The following CTH variants were observed in gnomAD, a reference collection of about 807,000 sequenced individuals.
CTH encodes cystathionase (cystathionine gamma-lyase).
A neutral mutation model predicts 50.6 loss-of-function variants in CTH; 41 were observed. The ratio of observed to expected loss-of-function variants is 0.81; its 90% CI spans 0.63 to 1.05. The LOEUF is 1.05. CTH is among the 50% of genes least tolerant of loss of function. The probability of loss-of-function intolerance (pLI) is 0.00; values close to 1 mark genes in which losing one functional copy is unlikely to be tolerated. For synonymous variants in CTH, 156 were observed against 168.9 expected (o/e 0.92, Z 0.59); for missense variants, 470 against 492.6 (o/e 0.95, Z 0.43).
Position 70,433,819 on chromosome 1 carries a change from T to C in CTH, c.878-9T>C, listed in dbSNP as rs373421141. On this transcript the variant is annotated splice_polypyrimidine_tract_variant and intron_variant, in intron 8 of 11. Transcript: ENST00000370938. ...CTAAAATAAGACTTATGATACCTTATGATTACAGGGCTGCCCTCTCATCCA... is the reference window on the plus strand; with the variant it reads ...CTAAAATAAGACTTATGATACCTTACGATTACAGGGCTGCCCTCTCATCCA... 32 of 1,613,602 alleles carry C rather than the reference T, an allele frequency of 2.0e-5. No homozygotes were observed. Among genetic ancestry groups the C allele is most frequent in the South Asian group, 3.3e-5 (3 of 91,086 alleles).
intron 1 of CTH, among the ~76,000 whole-genome samples, chr1:70,411,882 G>C (rs142210711): frequency 5.7e-4 from 86 of 152,196 alleles, no homozygotes; most frequent in African/African-American, 2.0e-3. Flanking sequence ...TAACTTTTTT[G>C]AGTTACCTTT....
At chr1:70,419,489 T>A (rs984020676) in intron 3 of CTH, among the ~76,000 whole-genome samples, 9 of 152,174 alleles carry the variant, frequency 5.9e-5, no homozygotes, top group Non-Finnish European at 1.0e-4. Context: ...GCACCTGTTG[T>A]TTCCTGACTT....
chr1:70,432,099 A>G lies in CTH; in HGVS notation c.741A>G (p.Pro247=), dbSNP rs780571287. 2 of 1,614,080 alleles carry G rather than the reference A, an allele frequency of 1.2e-6. No individual in the cohort carries two copies. Among genetic ancestry groups the G allele is most frequent in the South Asian group, 2.2e-5 (2 of 91,088 alleles). ...ATTTTGCAGCTCTTGGAGCAGTTCCATCTCCTATTGATTGTTACCTCTGCA... is the reference window on the plus strand; with the variant it reads ...ATTTTGCAGCTCTTGGAGCAGTTCCGTCTCCTATTGATTGTTACCTCTGCA... ...RFLQNSLGAV[P]SPIDCYLCNR... The change falls in exon 8 of 12, where the codon CCA becomes CCG. Residue 247 remains proline, a synonymous_variant. Coordinates refer to ENST00000370938, the MANE Select transcript of CTH (RefSeq NM_001902.6).
chr1:70,417,412 G>A (rs1410212638), intron 2 of CTH, among the ~76,000 whole-genome samples: 2 of 151,754 alleles, frequency 1.3e-5, no homozygotes, highest in Non-Finnish European at 2.9e-5. Context: ...AGTCTCCCTC[G>A]TAGCTGGGAT....
In CTH at chr1:70,423,504, G is replaced by A. The variant is rs1052848760; in HGVS notation, c.457-781G>A. On this transcript the variant is annotated intron_variant, in intron 4 of 11. Coordinates refer to ENST00000370938, the MANE Select transcript of CTH (RefSeq NM_001902.6). Reference sequence around the variant, plus strand: ...GAGGATCACTTGGGCCTGAAAGGTCGAAGCTGCCGTTAGCTGTGATCATGC... The same window carrying A: ...GAGGATCACTTGGGCCTGAAAGGTCAAAGCTGCCGTTAGCTGTGATCATGC... Among the ~76,000 whole-genome samples, 20 of 151,632 alleles carry A rather than the reference G, an allele frequency of 1.3e-4. No individual in the cohort carries two copies. The East Asian group carries it at 1.4e-3, about 10-fold the overall frequency.
rs530193713 is a variant in CTH at position 70,433,684 on chromosome 1, A to G, written c.878-144A>G. The G allele has an allele frequency of 2.5e-4, 330 of 1,303,254 alleles. No individual in the cohort carries two copies. In the African/African-American group the frequency reaches 4.5e-3, roughly 18 times the overall value. 80.7% of individuals were successfully genotyped at this position (1,303,254 alleles called of 1,614,324 possible). A position where few individuals can be genotyped will look rare whatever the true frequency, so the allele number is the denominator to read the frequency against. Reference sequence around the variant, plus strand: ...CATGAAGCTGGAGAGATAGGGGCCCAAGCAAGTAGTCAGATGTGAGCATGG... The same window carrying G: ...CATGAAGCTGGAGAGATAGGGGCCCGAGCAAGTAGTCAGATGTGAGCATGG... On this transcript the variant is annotated intron_variant, in intron 8 of 11. Transcript: ENST00000370938.
intron 1 of CTH, 27 bp downstream of exon 1, chr1:70,411,610 C>T (rs766770300): frequency 7.5e-6 from 12 of 1,604,086 alleles, no homozygotes; most frequent in Non-Finnish European, 1.0e-5. Flanking sequence ...TGGGGCTGTC[C>T]ACAGTTGGGC....
chr1:70,413,892 C>T (rs76754636), intron 1 of CTH, among the ~76,000 whole-genome samples: 32,510 of 150,988 alleles, frequency 0.22, 4,018 homozygotes, highest in Admixed American at 0.32. Flanking sequence ...CAGCTGCCCG[C>T]CACCATGCCC....
At chr1:70,413,836 G>A (rs757621073) in intron 1 of CTH, among the ~76,000 whole-genome samples, 1 of 150,070 alleles carries the variant, frequency 6.7e-6, no homozygotes, top group Non-Finnish European at 1.5e-5. Context: ...CCACCTCCTG[G>A]GTTCAAGTAA....
chr1:70,425,311 A>G (rs1376030934), intron 5 of CTH, among the ~76,000 whole-genome samples: 3 of 152,166 alleles, frequency 2.0e-5, no homozygotes, highest in African/African-American at 7.2e-5. Flanking sequence ...ACAGAATACT[A>G]TAAACTGGGT....
chr1:70,435,991 AT>A (rs1048189459), intron 10 of CTH, among the ~76,000 whole-genome samples: 1 of 152,056 alleles, frequency 6.6e-6, no homozygotes, highest in Non-Finnish European at 1.5e-5. Context: ...TTAAACTTCC[AT>A]TTTTTAACAC....
Position 70,432,163 on chromosome 1 carries a change from C to G in CTH, c.805C>G (p.His269Asp), listed in dbSNP as rs766544133. 2.5e-6 allele frequency: 4 copies of G among 1,614,038 alleles called. No homozygotes were observed. The highest frequency in any genetic ancestry group is 2.7e-5 in the African/African-American group (2 of 74,924). The change falls in exon 8 of 12, where the codon CAT becomes GAT. Residue 269 changes from histidine to aspartate, a missense_variant. Transcript: ENST00000370938. ...LKTLHVRMEK[H>D]FKNGMAVAQF... ...GACTCTACATGTCCGAATGGAAAAG[C>G]ATTTCAAAAACGGAATGGCAGTTGC...
intron 4 of CTH, among the ~76,000 whole-genome samples, chr1:70,423,653 T>A (rs1426490327): frequency 2.0e-5 from 3 of 152,164 alleles, no homozygotes; most frequent in Non-Finnish European, 4.4e-5. Flanking sequence ...TTTTGATAAC[T>A]ATCAAGCATC....
intron 10 of CTH, among the ~76,000 whole-genome samples, chr1:70,438,366 C>T (rs1372978964): frequency 6.6e-6 from 1 of 152,130 alleles, no homozygotes; most frequent in African/African-American, 2.4e-5. Flanking sequence ...TTCATTTAGG[C>T]AGGTATTAAA....
In CTH at chr1:70,416,122, G is replaced by C. The variant is rs188062697; in HGVS notation, c.250+85G>C. ...GAGGCACAGAATGTGGAACTGAAAA[G>C]AAACAGATTTGCTAGTTCAAAATTC... On this transcript the variant is annotated intron_variant, in intron 2 of 11. Transcript: ENST00000370938. 210 of 864,618 alleles carry C rather than the reference G, an allele frequency of 2.4e-4. No individual in the cohort carries two copies. In the East Asian group the frequency reaches 4.9e-3, roughly 20 times the overall value. The allele number at this position is 864,618 out of a possible 1,614,324, so 53.6% of individuals were successfully genotyped here. A position where few individuals can be genotyped will look rare whatever the true frequency, so the allele number is the denominator to read the frequency against.
intron 5 of CTH, among the ~76,000 whole-genome samples, chr1:70,426,722 T>C (rs556741015): frequency 6.6e-6 from 1 of 152,284 alleles, no homozygotes; most frequent in East Asian, 1.9e-4. Flanking sequence ...CTTCTGGCAT[T>C]GTCTATTTGG....
intron 1 of CTH, among the ~76,000 whole-genome samples, chr1:70,415,168 A>G (rs1684063732): frequency 1.3e-5 from 2 of 152,146 alleles, no homozygotes; most frequent in Admixed American, 6.6e-5. Context: ...TGGGAGACCA[A>G]TGTGGGAAGA....
intron 5 of CTH, among the ~76,000 whole-genome samples, chr1:70,425,888 C>A (rs753653806): frequency 1.3e-5 from 2 of 152,126 alleles, no homozygotes; most frequent in Admixed American, 1.3e-4. Context: ...TTGGGGATTA[C>A]AACTCAACAT....
chr1:70,426,085 G>T (rs1229327124), intron 5 of CTH, among the ~76,000 whole-genome samples: 1 of 152,080 alleles, frequency 6.6e-6, no homozygotes. Context: ...CTCTGCATTT[G>T]TTTCCTCCCC....
Sources: allele counts gnomAD v4.1 joint callset (sites outside exome capture counted in the v4.1 genomes callset), GRCh38; gene constraint gnomAD v4.1.1; transcripts MANE v1.5; gene names NCBI Gene and HGNC (gene_info 2026-07-23, HGNC 2026-07-21).